The following WASF3 variants were observed in gnomAD, a reference collection of about 807,000 sequenced individuals.
WASF3 encodes WASP family member 3.
A neutral mutation model predicts 46.6 loss-of-function variants in WASF3; 11 were observed. That is an observed-to-expected ratio of 0.24 (90% CI 0.15 to 0.39). The LOEUF (loss-of-function observed/expected upper bound fraction) is 0.39, where lower values mean the gene tolerates loss of function less well. Ranked by LOEUF, WASF3 falls within the 10% of genes least tolerant of loss-of-function variation. The pLI is 1.00. For missense variants in WASF3, 576 were observed against 669.8 expected, an observed-to-expected ratio of 0.86 and a Z score of 1.55; for synonymous variants, 242 against 259.7, an observed-to-expected ratio of 0.93 and a Z score of 0.65.
At chr13:26,676,808 A>T in intron 7 of WASF3, 84 bp downstream of exon 7, 1 of 1,358,382 alleles carries the variant, frequency 7.4e-7, no homozygotes, top group Non-Finnish European at 9.9e-7. Context: ...AAATGCATCA[A>T]TAGCTTCGGG....
intron 2 of WASF3, among the ~76,000 whole-genome samples, chr13:26,617,151 CAATT>C (rs1283799864): frequency 6.6e-6 from 1 of 152,086 alleles, no homozygotes; most frequent in Non-Finnish European, 1.5e-5. Flanking sequence ...TAAAAACTAT[CAATT>C]AACACTTGTT....
At chr13:26,610,194 C>T (rs375594649) in intron 1 of WASF3, among the ~76,000 whole-genome samples, 45 of 152,276 alleles carry the variant, frequency 3.0e-4, no homozygotes, top group East Asian at 2.9e-3. Flanking sequence ...AGATTTGTTC[C>T]CTTTAAAGAA....
Position 26,683,090 on chromosome 13 carries a change from A to C in WASF3, c.1351+116A>C, listed in dbSNP as rs906462778. 64 of 1,395,350 alleles carry C rather than the reference A, an allele frequency of 4.6e-5. No individual in the cohort carries two copies. In the African/African-American group the frequency reaches 8.1e-4, roughly 18 times the overall value. 86.4% of individuals were successfully genotyped at this position (1,395,350 alleles called of 1,614,324 possible). ...CTACTCACTACGTTTTTTAAAATAG[A>C]GTTAAAGGGGTCTTACTTGATTTTT... On this transcript the variant is annotated intron_variant, in intron 9 of 9. Transcript: ENST00000335327.
intron 1 of WASF3, among the ~76,000 whole-genome samples, chr13:26,559,057 C>T (rs529726850): frequency 6.6e-6 from 1 of 152,190 alleles, no homozygotes; most frequent in Non-Finnish European, 1.5e-5. Context: ...TTAAACAATG[C>T]AGTGGTTCTT....
intron 2 of WASF3, chr13:26,641,379 C>T (rs1479092134): frequency 6.6e-6 from 1 of 152,074 alleles, no homozygotes; most frequent in Non-Finnish European, 1.5e-5. Flanking sequence ...GACCTGCTGC[C>T]CCCAGTTAGC....
intron 9 of WASF3, among the ~76,000 whole-genome samples, chr13:26,684,595 T>G (rs1162120321): frequency 6.6e-6 from 1 of 152,182 alleles, no homozygotes; most frequent in Non-Finnish European, 1.5e-5. Flanking sequence ...ATAGTAGTAG[T>G]GTATCCAAAC....
intron 7 of WASF3, among the ~76,000 whole-genome samples, chr13:26,677,763 T>C (rs919221336): frequency 1.3e-5 from 2 of 152,232 alleles, no homozygotes; most frequent in Non-Finnish European, 2.9e-5. Context: ...CTATAGAAAG[T>C]AGGAATTATA....
intron 3 of WASF3, among the ~76,000 whole-genome samples, chr13:26,654,089 G>C (rs567813091): frequency 6.6e-6 from 1 of 151,988 alleles, no homozygotes; most frequent in African/African-American, 2.4e-5. Context: ...TCACTATTCC[G>C]ATCCAAGTCA....
chr13:26,564,894 G>A (rs1386847379), intron 1 of WASF3, among the ~76,000 whole-genome samples: 2 of 126,050 alleles, frequency 1.6e-5, no homozygotes, highest in Admixed American at 8.4e-5. Context: ...ACATGACAAG[G>A]TTGTGGTTTT....
intron 1 of WASF3, among the ~76,000 whole-genome samples, chr13:26,565,733 G>A (rs921490445): frequency 1.3e-5 from 2 of 152,198 alleles, no homozygotes; most frequent in Admixed American, 6.5e-5. Context: ...ATCCCAGGGA[G>A]GAAGATTATT....
chr13:26,553,644 C>T (rs1039554533), upstream of WASF3, among the ~76,000 whole-genome samples: 2 of 151,954 alleles, frequency 1.3e-5, no homozygotes, highest in East Asian at 3.9e-4. Context: ...AGTGAAACGC[C>T]GTCTCTAATA....
intron 1 of WASF3, among the ~76,000 whole-genome samples, chr13:26,595,656 C>G (rs1880438812): frequency 6.6e-6 from 1 of 152,132 alleles, no homozygotes; most frequent in African/African-American, 2.4e-5. Flanking sequence ...TTCTTTGTAC[C>G]CTCAGCCATC....
chr13:26,675,149 C>T (rs936891962), intron 6 of WASF3, among the ~76,000 whole-genome samples: 2 of 152,104 alleles, frequency 1.3e-5, no homozygotes, highest in African/African-American at 2.4e-5. Flanking sequence ...AATTTGTTTT[C>T]TGTAACACAG....
At chr13:26,565,498 T>TA (rs1032837452) in intron 1 of WASF3, among the ~76,000 whole-genome samples, 2 of 152,092 alleles carry the variant, frequency 1.3e-5, no homozygotes, top group East Asian at 1.9e-4. Context: ...AAAACACATT[T>TA]AAAAAAAACC....
At position 26,595,588 on chromosome 13, in the gene WASF3, C is replaced by T. The variant is rs146402128; in HGVS notation, c.-108-17373C>T. Reference sequence around the variant, plus strand: ...TAGCACATGTGTAGATTCGTATAACCGCTGCCACCTTCAAGATACAGTACT... The same window carrying T: ...TAGCACATGTGTAGATTCGTATAACTGCTGCCACCTTCAAGATACAGTACT... On this transcript the variant is annotated intron_variant, in intron 1 of 9. Coordinates refer to ENST00000335327, the MANE Select transcript of WASF3 (RefSeq NM_006646.6). Among the ~76,000 whole-genome samples, 1,410 of 151,934 alleles carry T rather than the reference C, an allele frequency of 9.3e-3. 12 individuals are homozygous for T. The highest frequency in any genetic ancestry group is 0.015 in the South Asian group (71 of 4,804).
chr13:26,546,452 C>A, the WASF3 span, among the ~76,000 whole-genome samples: 2 of 152,176 alleles, frequency 1.3e-5, no homozygotes, highest in Non-Finnish European at 2.9e-5. Context: ...CTGCAAATCC[C>A]AGTTCTTTGG....
chr13:26,607,958 A>C (rs1349958985), intron 1 of WASF3, among the ~76,000 whole-genome samples: 1 of 152,140 alleles, frequency 6.6e-6, no homozygotes, highest in Non-Finnish European at 1.5e-5. Context: ...AGTGGTAGTT[A>C]CCACAAGTGA....
At chr13:26,580,512 A>G (rs1879944572) in intron 1 of WASF3, among the ~76,000 whole-genome samples, 1 of 152,002 alleles carries the variant, frequency 6.6e-6, no homozygotes, top group African/African-American at 2.4e-5. Context: ...TTCCTGAAGT[A>G]TTGGATTTCA....
chr13:26,605,640 T>C (rs1024097596), intron 1 of WASF3, among the ~76,000 whole-genome samples: 1 of 152,192 alleles, frequency 6.6e-6, no homozygotes, highest in African/African-American at 2.4e-5. Flanking sequence ...GGGATCAAAG[T>C]ATTAGGATCC....
Sources: allele counts gnomAD v4.1 joint callset (sites outside exome capture counted in the v4.1 genomes callset), GRCh38; gene constraint gnomAD v4.1.1; transcripts MANE v1.5; gene names NCBI Gene and HGNC (gene_info 2026-07-23, HGNC 2026-07-21).